The following ELANE variants were observed in gnomAD, a reference collection of about 807,000 sequenced individuals.
ELANE encodes the protein elastase, neutrophil expressed.
A neutral mutation model predicts 20.6 loss-of-function variants in ELANE; 12 were observed. That is an observed-to-expected ratio of 0.58 (90% CI 0.37 to 0.94). The LOEUF is 0.94. ELANE is among the 40% of genes least tolerant of loss of function. The probability of loss-of-function intolerance (pLI) is 0.01; values close to 1 mark genes in which losing one functional copy is unlikely to be tolerated. For synonymous variants in ELANE, 203 were observed against 177.4 expected (o/e 1.14, Z -1.15); for missense variants, 388 against 395.2 (o/e 0.98, Z 0.15).
At position 856,018 on chromosome 19, in the gene ELANE, C is replaced by T. The variant is rs538571617; in HGVS notation, c.658C>T (p.Arg220Trp). 21 of 1,613,194 alleles carry T rather than the reference C, an allele frequency of 1.3e-5. No homozygotes were observed. Among genetic ancestry groups the T allele is most frequent in the African/African-American group, 8.0e-5 (6 of 75,054 alleles). ...GLIHGIASFV[R>W]GGCASGLYPD... Reference sequence around the variant, plus strand: ...AATCCACGGAATTGCCTCCTTCGTCCGGGGAGGCTGCGCCTCAGGGCTCTA... The same window carrying T: ...AATCCACGGAATTGCCTCCTTCGTCTGGGGAGGCTGCGCCTCAGGGCTCTA... The change falls in exon 5 of 5, where the codon CGG becomes TGG. Residue 220 changes from arginine (R) to tryptophan (W), a missense_variant. Physicochemically the swap from Arg to Trp is moderately radical, Grantham distance 101. Around this residue, in one of 3 missense-constraint regions of ELANE, gnomAD observed 321 missense variants for 309.8 expected, o/e 1.04. Coordinates refer to ENST00000263621, the MANE Select transcript of ELANE (RefSeq NM_001972.4).
In ELANE at chr19:853,357, AC is replaced by A; in HGVS notation, c.321del (p.Asn107LysfsTer6). ...QVFAVQRIFE[N>X]GYDPVNLLND... The stretch of plus-strand genomic sequence containing the variant: ...TTCGCCGTGCAGCGCATCTTCGAAA[AC>A]GGCTACGACCCCGTAAACTTGCTCA... On this transcript the variant is annotated frameshift_variant, in exon 3 of 5. Coordinates refer to ENST00000263621, the MANE Select transcript of ELANE (RefSeq NM_001972.4). LOFTEE classifies it high-confidence loss of function. 1 of 1,611,386 alleles carries A rather than the reference AC, an allele frequency of 6.2e-7. No homozygotes were observed. Among genetic ancestry groups the A allele is most frequent in the Non-Finnish European group, 8.5e-7 (1 of 1,179,170 alleles).
rs771759665 is a variant in ELANE at position 856,052 on chromosome 19, C to T, written c.692C>T (p.Ala231Val). 3.1e-6 allele frequency: 5 copies of T among 1,613,478 alleles called. No homozygotes were observed. In the Admixed American group the frequency reaches 6.7e-5, roughly 22 times the overall value. The change falls in exon 5 of 5, where the codon GCC becomes GTC. Residue 231 changes from alanine to valine, a missense_variant. Ala to Val is a moderately conservative substitution (Grantham distance 64). This residue lies in a region of ELANE where 321 missense variants were observed against 309.8 expected (regional missense o/e 1.04). Coordinates refer to ENST00000263621, the MANE Select transcript of ELANE (RefSeq NM_001972.4). The part of the protein sequence containing the change: ...GGCASGLYPD[A>V]FAPVAQFVNW... ...TGCGCCTCAGGGCTCTACCCCGATG[C>T]CTTTGCCCCGGTGGCACAGTTTGTA...
Position 852,408 on chromosome 19 carries a change from G to A in ELANE, c.67+13G>A. 1 of 1,609,566 alleles carries A rather than the reference G, an allele frequency of 6.2e-7. No individual in the cohort carries two copies. The highest frequency in any genetic ancestry group is 8.5e-7 in the Non-Finnish European group (1 of 1,179,372). ...TTGCTGCTGGGGGGTGAGTTTTTGA[G>A]TCCAACCTCCCGCTGCTCCCTCTGT... On this transcript the variant is annotated intron_variant, in intron 1 of 4. Transcript: ENST00000263621.
At chr19:853,960 G>A (rs1442576151) in intron 3 of ELANE, among the ~76,000 whole-genome samples, 2 of 134,998 alleles carry the variant, frequency 1.5e-5, no homozygotes, top group African/African-American at 5.7e-5. Context: ...GGGAGGCCCC[G>A]ATCTGTTGTC....
intron 1 of ELANE, 27 bp from the exon 2 acceptor site, chr19:852,849 C>G: frequency 3.1e-6 from 5 of 1,589,966 alleles, no homozygotes; most frequent in Non-Finnish European, 4.3e-6. Flanking sequence ...GGCAGGCACT[C>G]AGCACCCGCA....
rs2035672590 is a variant in ELANE, at chr19:855,913, G to A, written c.598-45G>A. On this transcript the variant is annotated intron_variant, in intron 4 of 4. Transcript: ENST00000263621. This position sits in a 1 kb window ranked among gnomAD's most constrained non-coding sequence, Gnocchi z 6.2. ...ACCCTGACAGGCGGCGGGCAGGTGG[G>A]CAGGGCCTCGCAGTCCAGCTTCCCC... 6.2e-7 allele frequency: 1 copy of A among 1,610,648 alleles called. No homozygotes were observed. The highest frequency in any genetic ancestry group is 8.5e-7 in the Non-Finnish European group (1 of 1,179,484).
In ELANE at chr19:855,753, G is replaced by A. The variant is rs140642538; in HGVS notation, c.556G>A (p.Val186Ile). Residue 186 changes from valine (V) to isoleucine (I), a missense_variant, in exon 4 of 5, where the codon GTC (valine) becomes ATC (isoleucine). Val to Ile is a conservative substitution (Grantham distance 29). Coordinates refer to ENST00000263621, the MANE Select transcript of ELANE (RefSeq NM_001972.4). The surrounding 1 kb of genome is among the most constrained non-coding windows in gnomAD (Gnocchi z 6.2). ...VVTSLCRRSNVCTLVRGRQAG... is the reference protein window; with the variant it reads ...VVTSLCRRSNICTLVRGRQAG... Reference sequence around the variant, plus strand: ...GACGTCCCTCTGCCGTCGCAGCAACGTCTGCACTCTCGTGAGGGGCCGGCA... The same window carrying A: ...GACGTCCCTCTGCCGTCGCAGCAACATCTGCACTCTCGTGAGGGGCCGGCA... 3.4e-5 allele frequency: 54 copies of A among 1,609,452 alleles called. No individual in the cohort carries two copies. The highest frequency in any genetic ancestry group is 4.1e-5 in the Non-Finnish European group (48 of 1,179,954).
In ELANE at chr19:852,492, C is replaced by T. The variant is rs2035609300; in HGVS notation, c.67+97C>T. The T allele has an allele frequency of 4.8e-6, 7 of 1,463,452 alleles. No homozygotes were observed. In the South Asian group the frequency reaches 7.2e-5, roughly 15 times the overall value. The allele number at this position is 1,463,452 out of a possible 1,614,324, so 90.7% of individuals were successfully genotyped here. On this transcript the variant is annotated intron_variant, in intron 1 of 4. Coordinates refer to ENST00000263621, the MANE Select transcript of ELANE (RefSeq NM_001972.4). ...CCCACCAGTGTGGGTCCCTCATCCT[C>T]ACAGGGGAGGTGCCAGCTGGGACAA...
chr19:853,324 G>C lies in ELANE; in HGVS notation c.287G>C (p.Arg96Pro). The stretch of plus-strand genomic sequence containing the variant: ...AACCTCTCGCGGCGGGAGCCCACCC[G>C]GCAGGTGTTCGCCGTGCAGCGCATC... ...AHNLSRREPT[R>P]QVFAVQRIFE... Residue 96 changes from arginine to proline, a missense_variant, in exon 3 of 5, where the codon CGG (arginine) becomes CCG (proline). Physicochemically the swap from Arg to Pro is moderately radical, Grantham distance 103. This residue lies in a region of ELANE where 321 missense variants were observed against 309.8 expected (regional missense o/e 1.04). Transcript: ENST00000263621. 2 of 1,610,354 alleles carry C rather than the reference G, an allele frequency of 1.2e-6. No homozygotes were observed. Among genetic ancestry groups the C allele is most frequent in the Non-Finnish European group, 1.7e-6 (2 of 1,178,714 alleles).
chr19:852,817 G>A, intron 1 of ELANE, 59 bp from the exon 2 acceptor site: 1 of 1,563,984 alleles, frequency 6.4e-7, no homozygotes, highest in Non-Finnish European at 8.6e-7. Flanking sequence ...AGGCCCCGTG[G>A]CCGGGAGGGG....
At position 853,254 on chromosome 19, in the gene ELANE, C is replaced by T. The variant is rs771866084; in HGVS notation, c.225-8C>T. ...CGCCCCTGAGCCCCGCCTCTCCCTC[C>T]CCGGCAGAAACGTCCGCGCGGTGCG... On this transcript the variant is annotated splice_polypyrimidine_tract_variant and splice_region_variant and intron_variant, in intron 2 of 4. Transcript: ENST00000263621. 2.6e-5 allele frequency: 42 copies of T among 1,591,278 alleles called. 1 individual carries two copies. In the South Asian group the frequency reaches 4.3e-4, roughly 16 times the overall value.
chr19:855,507 G>T lies in ELANE; in HGVS notation c.367-57G>T. 1 of 1,555,738 alleles carries T rather than the reference G, an allele frequency of 6.4e-7. No individual in the cohort carries two copies. Among genetic ancestry groups the T allele is most frequent in the Non-Finnish European group, 8.7e-7 (1 of 1,148,990 alleles). On this transcript the variant is annotated intron_variant, in intron 3 of 4. Transcript: ENST00000263621. This position sits in a 1 kb window ranked among gnomAD's most constrained non-coding sequence, Gnocchi z 6.2. ...TGGGGAAACTGAGGCCCGGAGAGGG[G>T]AGGGTCATCATCACTGCCCCGTGTG...
chr19:852,593 GA>G (rs747605468), intron 1 of ELANE, among the ~76,000 whole-genome samples, 198 bp downstream of exon 1: 89 of 126,796 alleles, frequency 7.0e-4, no homozygotes, highest in African/African-American at 2.0e-3. Context: ...GAAAACCGGG[GA>G]GGGGGGGGGG....
intron 1 of ELANE, 145 bp from the exon 2 acceptor site, chr19:852,731 G>A (rs894799581): frequency 5.6e-6 from 7 of 1,242,878 alleles, no homozygotes; most frequent in African/African-American, 1.8e-5. Context: ...GAACGGCCCC[G>A]ATCCCGTGGG....
rs1599290074 is a variant in ELANE, at chr19:852,396, G to T, written c.67+1G>T. On this transcript the variant is annotated splice_donor_variant, in intron 1 of 4. Transcript: ENST00000263621. LOFTEE classifies it high-confidence loss of function. Reference sequence around the variant, plus strand: ...GTCCTGCCGGCCTTGCTGCTGGGGGGTGAGTTTTTGAGTCCAACCTCCCGC... The same window carrying T: ...GTCCTGCCGGCCTTGCTGCTGGGGGTTGAGTTTTTGAGTCCAACCTCCCGC... 46 of 1,610,802 alleles carry T rather than the reference G, an allele frequency of 2.9e-5. No homozygotes were observed. The highest frequency in any genetic ancestry group is 3.7e-5 in the Non-Finnish European group (44 of 1,179,734).
rs765421549 is a variant in ELANE at position 855,525 on chromosome 19, C to T, written c.367-39C>T. 1.3e-6 allele frequency: 2 copies of T among 1,587,298 alleles called. No individual in the cohort carries two copies. The highest frequency in any genetic ancestry group is 2.2e-5 in the South Asian group (2 of 90,284). On this transcript the variant is annotated intron_variant, in intron 3 of 4. Transcript: ENST00000263621. This position sits in a 1 kb window ranked among gnomAD's most constrained non-coding sequence, Gnocchi z 6.2. Reference sequence around the variant, plus strand: ...GAGAGGGGAGGGTCATCATCACTGCCCCGTGTGACGCGCTGACGATCTGTC... The same window carrying T: ...GAGAGGGGAGGGTCATCATCACTGCTCCGTGTGACGCGCTGACGATCTGTC...
In ELANE at chr19:855,662, CTGGGGCCTTCTGGGCAGGAACCG is replaced by C. The variant is rs1422534907; in HGVS notation, c.470_492del (p.Gly157AspfsTer125). The C allele has an allele frequency of 2.5e-6, 4 of 1,608,094 alleles. No homozygotes were observed. In the South Asian group the frequency reaches 4.4e-5, roughly 18 times the overall value. On this transcript the variant is annotated frameshift_variant, in exon 4 of 5. Coordinates refer to ENST00000263621, the MANE Select transcript of ELANE (RefSeq NM_001972.4). LOFTEE classifies it high-confidence loss of function. The surrounding 1 kb of genome is among the most constrained non-coding windows in gnomAD (Gnocchi z 6.2). ...ACGGGGTGCAGTGCCTGGCCATGGG[CTGGGGCCTTCTGGGCAGGAACCG>C]TGGGATCGCCAGCGTCCTGCAGGAG...
chr19:854,705 A>G (rs1031296954), intron 3 of ELANE, among the ~76,000 whole-genome samples: 1 of 146,380 alleles, frequency 6.8e-6, no homozygotes, highest in Non-Finnish European at 1.5e-5. Flanking sequence ...TAAATAAAAT[A>G]TATAATATTT....
intron 2 of ELANE, 47 bp from the exon 3 acceptor site, chr19:853,215 C>G (rs949525993): frequency 6.5e-7 from 1 of 1,546,992 alleles, no homozygotes; most frequent in Non-Finnish European, 8.7e-7. Flanking sequence ...CGGCTGAGCC[C>G]CGACCCCCGG....
Sources: gnomAD v4.1 joint callset for allele counts (sites outside exome capture counted in the v4.1 genomes callset) on GRCh38, gnomAD v4.1.1 for gene constraint, gnomAD v4.1.1 regional missense constraint, Gnocchi (gnomAD v3.1) non-coding constraint, MANE v1.5 for transcripts, NCBI Gene and HGNC (gene_info 2026-07-23, HGNC 2026-07-21) for gene names.